Variants in ARHGEF11 observed in about 807,000 individuals in gnomAD.
The protein encoded by ARHGEF11 is Rho guanine nucleotide exchange factor 11, also known as Rho guanine exchange factor (GEF) 11.
A neutral mutation model predicts 193.7 loss-of-function variants in ARHGEF11; 55 were observed. The ratio of observed to expected loss-of-function variants is 0.28; its 90% CI spans 0.23 to 0.36. The LOEUF (loss-of-function observed/expected upper bound fraction) is 0.36. ARHGEF11 is among the 10% of genes least tolerant of loss of function. ARHGEF11 has a pLI of 1.00. For synonymous variants in ARHGEF11, 693 were observed against 768.0 expected, an observed-to-expected ratio of 0.90 and a Z score of 1.62; for missense variants, 1,723 against 2,005.6, an observed-to-expected ratio of 0.86 and a Z score of 2.69.
chr1:156,953,155 A>G (rs1659370498), intron 21 of ARHGEF11, among the ~76,000 whole-genome samples: 1 of 152,270 alleles, frequency 6.6e-6, no homozygotes, highest in Non-Finnish European at 1.5e-5. Flanking sequence ...TAAAAAGAGC[A>G]AAGTGGCGAG....
intron 11 of ARHGEF11, among the ~76,000 whole-genome samples, chr1:156,964,276 G>C (rs1661395964): frequency 6.6e-6 from 1 of 152,164 alleles, no homozygotes; most frequent in Non-Finnish European, 1.5e-5. Flanking sequence ...TAATCTTAAT[G>C]GACATGCCAT....
In ARHGEF11 at chr1:156,940,310, G is replaced by C. The variant is rs756845268; in HGVS notation, c.3630C>G (p.Ser1210=). The C allele has an allele frequency of 5.6e-6, 9 of 1,613,776 alleles. No homozygotes were observed. The African/African-American group carries it at 1.2e-4, about 22-fold the overall frequency. ...ELGVLPCPST[S]LDGENRGIRT... ...TGATGCCCCTGTTCTCTCCATCCAG[G>C]GATGTGGAAGGGCAAGGCAGGACAC... Residue 1210 remains serine, a synonymous_variant, in exon 36 of 41, where the codon TCC becomes TCG. Transcript: ENST00000368194.
At position 156,999,392 on chromosome 1, in the gene ARHGEF11, C is replaced by T. The variant is rs181353369; in HGVS notation, c.33-13219G>A. On this transcript the variant is annotated intron_variant, in intron 1 of 40. Transcript: ENST00000368194. ...TGCCTTGGCCCTATCATCCCCACGA[C>T]GAGGGAGCTGAGCTAGGTCATCTCA... Among the ~76,000 whole-genome samples the T allele has an allele frequency of 5.4e-3, 817 of 152,206 alleles. 1 individual carries two copies. The highest frequency in any genetic ancestry group is 8.8e-3 in the Non-Finnish European group (599 of 68,016).
chr1:156,961,384 T>C (rs1241354400), intron 14 of ARHGEF11, among the ~76,000 whole-genome samples: 1 of 151,932 alleles, frequency 6.6e-6, no homozygotes, highest in Non-Finnish European at 1.5e-5. Context: ...GCAGGGAGGG[T>C]TGGGGGGAAC....
In ARHGEF11 at chr1:156,959,067, T is replaced by C; in HGVS notation, c.1358A>G (p.Gln453Arg). Residue 453 changes from glutamine to arginine, a missense_variant, in exon 16 of 41, where the codon CAA (glutamine) becomes CGA (arginine). Coordinates refer to ENST00000368194, the MANE Select transcript of ARHGEF11 (RefSeq NM_198236.3). The stretch of plus-strand genomic sequence containing the variant: ...CAACCTGTAGTCGTGGATCTGCTCT[T>C]GGATCTCAGGCATGGCTGCCTCTTG... ...EAQEAAMPEI[Q>R]EQIHDYRTKR... 2.5e-6 allele frequency: 4 copies of C among 1,614,210 alleles called. No individual in the cohort carries two copies. The highest frequency in any genetic ancestry group is 3.4e-6 in the Non-Finnish European group (4 of 1,180,032).
At chr1:156,968,679 G>A (rs1345850389) in intron 10 of ARHGEF11, among the ~76,000 whole-genome samples, 3 of 152,144 alleles carry the variant, frequency 2.0e-5, no homozygotes, top group African/African-American at 7.2e-5. Flanking sequence ...TAATTACTCT[G>A]GCTAAGCAAA....
chr1:157,034,744 A>C (rs1671704585), intron 1 of ARHGEF11, among the ~76,000 whole-genome samples: 1 of 152,238 alleles, frequency 6.6e-6, no homozygotes. Context: ...ATAAAACACA[A>C]GAACCATATA....
rs190748749 is a variant in ARHGEF11 at position 157,016,592 on chromosome 1, G to T, written c.32+27707C>A. Among the ~76,000 whole-genome samples, 1,041 of 152,224 alleles carry T rather than the reference G, an allele frequency of 6.8e-3. 8 individuals carry two copies. The highest frequency in any genetic ancestry group is 0.012 in the Non-Finnish European group (797 of 68,018). ...GGCGTCTGTTCATTTTGTGTGTGTG[G>T]TAACAGTATTGTGACTGTATTTTTA... is the stretch of plus-strand genomic sequence containing the variant. On this transcript the variant is annotated intron_variant, in intron 1 of 40. Transcript: ENST00000368194.
At chr1:156,961,075 TAA>T (rs907979609) in intron 14 of ARHGEF11, among the ~76,000 whole-genome samples, 19 of 152,250 alleles carry the variant, frequency 1.2e-4, no homozygotes, top group African/African-American at 4.1e-4. Flanking sequence ...GCCAAAAGAA[TAA>T]AGTCACCTTG....
intron 1 of ARHGEF11, among the ~76,000 whole-genome samples, chr1:157,020,156 G>A (rs147287143): frequency 6.6e-6 from 1 of 151,982 alleles, no homozygotes; most frequent in Admixed American, 6.5e-5. Flanking sequence ...GAGAGAGACG[G>A]ATTACAAAGG....
chr1:156,991,497 T>A (rs1244971905), intron 1 of ARHGEF11, among the ~76,000 whole-genome samples: 1 of 151,888 alleles, frequency 6.6e-6, no homozygotes, highest in African/African-American at 2.4e-5. Flanking sequence ...TTTTCGTATT[T>A]TTTATAGAGA....
At chr1:157,042,452 T>C (rs1442723945) in intron 1 of ARHGEF11, among the ~76,000 whole-genome samples, 1 of 152,152 alleles carries the variant, frequency 6.6e-6, no homozygotes, top group Non-Finnish European at 1.5e-5. Flanking sequence ...TCAGAAGACC[T>C]GTGTTTGAGT....
intron 1 of ARHGEF11, among the ~76,000 whole-genome samples, chr1:157,032,510 G>A (rs969062693): frequency 2.0e-5 from 3 of 152,144 alleles, no homozygotes; most frequent in Admixed American, 2.0e-4. Context: ...CCACAGACCT[G>A]TATTTTAACA....
In ARHGEF11 at chr1:156,947,142, G is replaced by A. The variant is rs868543864; in HGVS notation, c.2489-127C>T. 7 of 1,458,302 alleles carry A rather than the reference G, an allele frequency of 4.8e-6. No homozygotes were observed. In the Middle Eastern group the frequency reaches 7.6e-4, roughly 159 times the overall value. The allele number at this position is 1,458,302 out of a possible 1,614,324, so 90.3% of individuals were successfully genotyped here. ...AGGGTCTGGAAACCATTGTACTTTC[G>A]GGGTGAACTCCAGTGCTGGTTTCAG... On this transcript the variant is annotated intron_variant, in intron 26 of 40. Transcript: ENST00000368194.
rs1222816966 is a variant in ARHGEF11, at chr1:156,948,856, T to C, written c.1926-358A>G. 1.0e-6 allele frequency: 1 copy of C among 985,250 alleles called. No homozygotes were observed. The highest frequency in any genetic ancestry group is 6.2e-5 in the Admixed American group (1 of 16,258). 61.0% of individuals were successfully genotyped at this position (985,250 alleles called of 1,614,324 possible). A position where few individuals can be genotyped will look rare whatever the true frequency, so the allele number is the denominator to read the frequency against. ...GCTTCTGTCAAGAAGGTGGTAGACA[T>C]CATCGTCCCTCAACAGGGAACACAA... On this transcript the variant is annotated intron_variant, in intron 22 of 40. Coordinates refer to ENST00000368194, the MANE Select transcript of ARHGEF11 (RefSeq NM_198236.3). This position sits in a 1 kb window ranked among gnomAD's most constrained non-coding sequence, Gnocchi z 4.2.
chr1:157,012,194 C>T (rs1329518060), intron 1 of ARHGEF11, among the ~76,000 whole-genome samples: 1 of 152,000 alleles, frequency 6.6e-6, no homozygotes, highest in African/African-American at 2.4e-5. Context: ...ATGGATGAAC[C>T]GTGAAAGCAT....
chr1:157,002,795 T>G (rs1482597707), intron 1 of ARHGEF11, among the ~76,000 whole-genome samples: 1 of 152,214 alleles, frequency 6.6e-6, no homozygotes, highest in Non-Finnish European at 1.5e-5. Flanking sequence ...TAGCAAATTC[T>G]TAAAGCACTT....
intron 1 of ARHGEF11, among the ~76,000 whole-genome samples, chr1:157,008,034 G>T (rs1668063721): frequency 6.6e-6 from 1 of 150,530 alleles, no homozygotes; most frequent in South Asian, 2.1e-4. Flanking sequence ...AAGCCTAACT[G>T]CCTAACTCTA....
intron 2 of ARHGEF11, among the ~76,000 whole-genome samples, chr1:156,984,771 C>T (rs1441276126): frequency 6.6e-6 from 1 of 152,028 alleles, no homozygotes; most frequent in African/African-American, 2.4e-5. Flanking sequence ...TAGCCATCCT[C>T]CTGAAGACTA....
Sources: allele counts gnomAD v4.1 joint callset (sites outside exome capture counted in the v4.1 genomes callset), GRCh38; gene constraint gnomAD v4.1.1; non-coding constraint Gnocchi (gnomAD v3.1); transcripts MANE v1.5; gene names NCBI Gene and HGNC (gene_info 2026-07-23, HGNC 2026-07-21).